Variants in DNAH12 observed in about 807,000 individuals in gnomAD.
DNAH12 encodes axonemal beta dynein heavy chain 12.
DNAH12 carries 285 observed loss-of-function variants against 371.5 expected under a neutral mutation model. That is an observed-to-expected ratio of 0.77 (90% confidence interval 0.70 to 0.85). DNAH12 has a LOEUF of 0.85. Among genes scored for constraint, DNAH12 ranks in the 40% least tolerant of loss-of-function variants. The pLI is 0.00. For synonymous variants in DNAH12, 1,200 were observed against 1,213.0 expected (o/e 0.99, Z 0.22); for missense variants, 3,611 against 3,689.4 (o/e 0.98, Z 0.55).
chr3:57,462,549 G>T, intron 18 of DNAH12, 141 bp downstream of exon 18: 2 of 969,132 alleles, frequency 2.1e-6, no homozygotes, highest in Non-Finnish European at 2.9e-6. Flanking sequence ...ACCGCACCCA[G>T]CCGGAGAGTG....
intron 70 of DNAH12, among the ~76,000 whole-genome samples, chr3:57,298,763 C>T (rs1208972983): frequency 6.6e-6 from 1 of 152,144 alleles, no homozygotes; most frequent in Non-Finnish European, 1.5e-5. Context: ...CTTTGAAATC[C>T]CAGAGCATTT....
intron 2 of DNAH12, among the ~76,000 whole-genome samples, chr3:57,525,332 G>T (rs1385184929): frequency 6.6e-6 from 1 of 152,046 alleles, no homozygotes; most frequent in African/African-American, 2.4e-5. Context: ...TCTGGTGAAT[G>T]AATGATCAGA....
Position 57,489,496 on chromosome 3 carries a change from T to G in DNAH12, c.1514+13A>C. 2 of 1,497,854 alleles carry G rather than the reference T, an allele frequency of 1.3e-6. No homozygotes were observed. Among genetic ancestry groups the G allele is most frequent in the Non-Finnish European group, 1.8e-6 (2 of 1,129,400 alleles). The allele number at this position is 1,497,854 out of a possible 1,614,324, so 92.8% of individuals were successfully genotyped here. ...GCCATATAATTCTGAGCTTGGGAATTAATTCTACTTACCATTCATTTTCTT... is the reference window on the plus strand; with the variant it reads ...GCCATATAATTCTGAGCTTGGGAATGAATTCTACTTACCATTCATTTTCTT... On this transcript the variant is annotated intron_variant, in intron 12 of 73. Coordinates refer to ENST00000495027, the MANE Select transcript of DNAH12 (RefSeq NM_001366028.2).
chr3:57,300,373 A>G (rs2061320889), intron 70 of DNAH12, among the ~76,000 whole-genome samples: 2 of 152,234 alleles, frequency 1.3e-5, no homozygotes, highest in Admixed American at 1.3e-4. Context: ...AGAGAACTAT[A>G]GCTTCTATAA....
chr3:57,495,890 T>A (rs539253971), intron 11 of DNAH12, among the ~76,000 whole-genome samples: 16 of 142,166 alleles, frequency 1.1e-4, no homozygotes, highest in African/African-American at 3.7e-4. Flanking sequence ...AAATATATTT[T>A]TATATATAAA....
At chr3:57,301,974 G>A (rs1441710778) in intron 69 of DNAH12, 35 bp from the exon 70 acceptor site, 5 of 1,538,470 alleles carry the variant, frequency 3.2e-6, no homozygotes, top group Non-Finnish European at 4.4e-6. Context: ...CAACATATAT[G>A]ATGATATCAA....
At chr3:57,526,778 C>T (rs908991849) in intron 2 of DNAH12, among the ~76,000 whole-genome samples, 3 of 151,866 alleles carry the variant, frequency 2.0e-5, no homozygotes, top group Admixed American at 2.0e-4. Flanking sequence ...CCACTTCGAC[C>T]TCCCAAAGTG....
chr3:57,455,382 G>A (rs7630719), intron 22 of DNAH12, among the ~76,000 whole-genome samples: 64,114 of 151,080 alleles, frequency 0.42, 15,180 homozygotes, highest in South Asian at 0.58. Context: ...TGGCCAATGT[G>A]GTGAAACCCC....
At chr3:57,335,690 G>A (rs961858746) in intron 60 of DNAH12, among the ~76,000 whole-genome samples, 3 of 152,208 alleles carry the variant, frequency 2.0e-5, no homozygotes, top group Non-Finnish European at 4.4e-5. Context: ...TTATGGCACC[G>A]CTGTTGCATA....
chr3:57,479,325 G>A (rs1306921107), intron 13 of DNAH12, among the ~76,000 whole-genome samples: 1 of 151,980 alleles, frequency 6.6e-6, no homozygotes, highest in African/African-American at 2.4e-5. Context: ...AGACAAAGAA[G>A]GCCATTACAT....
Position 57,310,764 on chromosome 3 carries a change from AAT to A in DNAH12, c.10847_10848del (p.Tyr3616PhefsTer5). 1.9e-6 allele frequency: 3 copies of A among 1,551,668 alleles called. No homozygotes were observed. Among genetic ancestry groups the A allele is most frequent in the Non-Finnish European group, 2.6e-6 (3 of 1,146,962 alleles). On this transcript the variant is annotated frameshift_variant, in exon 67 of 74. Coordinates refer to ENST00000495027, the MANE Select transcript of DNAH12 (RefSeq NM_001366028.2). LOFTEE classifies it high-confidence loss of function. ...TCATAAGTGCCTTTAGGAGGTGCAA[AAT>A]AGTTTCCACTGGGAGAAAACTTATA... is the stretch of plus-strand genomic sequence containing the variant. ...PHYKFSPSGN[Y>X]FAPPKGTYED... is the part of the protein sequence containing the mutation.
Position 57,415,412 on chromosome 3 carries a change from G to T in DNAH12, c.5853+14C>A. 1 of 1,545,510 alleles carries T rather than the reference G, an allele frequency of 6.5e-7. No individual in the cohort carries two copies. The highest frequency in any genetic ancestry group is 8.7e-7 in the Non-Finnish European group (1 of 1,145,722). On this transcript the variant is annotated intron_variant, in intron 38 of 73. Coordinates refer to ENST00000495027, the MANE Select transcript of DNAH12 (RefSeq NM_001366028.2). ...AAATTAACGATAGACCCCCATTTCTGTCTTTAAACTAACCTGAACCTGATT... is the reference window on the plus strand; with the variant it reads ...AAATTAACGATAGACCCCCATTTCTTTCTTTAAACTAACCTGAACCTGATT...
chr3:57,405,641 C>A lies in DNAH12; in HGVS notation c.6576+12G>T, dbSNP rs1487224101. ...TGCTTTAACTCAATATGTTCTTAAT[C>A]GCCATACTCACTGGTGCATTTTGTT... is the stretch of plus-strand genomic sequence containing the variant. On this transcript the variant is annotated intron_variant, in intron 41 of 73. Transcript: ENST00000495027. 4 of 1,546,698 alleles carry A rather than the reference C, an allele frequency of 2.6e-6. No homozygotes were observed. The highest frequency in any genetic ancestry group is 3.9e-5 in the Admixed American group (2 of 50,780).
At position 57,446,668 on chromosome 3, in the gene DNAH12, G is replaced by A. The variant is rs1172218810; in HGVS notation, c.3808C>T (p.Leu1270Phe). 5 of 1,513,820 alleles carry A rather than the reference G, an allele frequency of 3.3e-6. No individual in the cohort carries two copies. Among genetic ancestry groups the A allele is most frequent in the East Asian group, 2.5e-5 (1 of 40,556 alleles). The allele number at this position is 1,513,820 out of a possible 1,614,324, so 93.8% of individuals were successfully genotyped here. ...GCTGGCCCCTCTGGAGCACCTCCAA[G>A]GTTTAAATAGAAAGCACCTATCTGA... ...RTLIGAFYLN[L>F]GGAPEGPAGT... is the part of the protein sequence containing the mutation. Residue 1270 changes from leucine (L) to phenylalanine (F), a missense_variant, in exon 26 of 74, where the codon CTT becomes TTT. Physicochemically the swap from Leu to Phe is conservative, Grantham distance 22. Around this residue, in one of 3 missense-constraint regions of DNAH12, gnomAD observed 2,266 missense variants for 2,236.9 expected, o/e 1.01. Transcript: ENST00000495027.
rs540055423 is a variant in DNAH12, at chr3:57,303,416, T to C, written c.11190-1477A>G. ...AACTTTTTCTTTCTTTTCTTTTTCT[T>C]TTTTTTTTTTTTTGAGACAAGGTCT... On this transcript the variant is annotated intron_variant, in intron 69 of 73. Coordinates refer to ENST00000495027, the MANE Select transcript of DNAH12 (RefSeq NM_001366028.2). Among the ~76,000 whole-genome samples the C allele has an allele frequency of 4.9e-5, 7 of 143,224 alleles. No homozygotes were observed. The East Asian group carries it at 1.4e-3, about 28-fold the overall frequency. 94.0% of individuals were successfully genotyped at this position (143,224 alleles called of 152,430 possible). A position where few individuals can be genotyped will look rare whatever the true frequency, so the allele number is the denominator to read the frequency against.
rs2065016296 is a variant in DNAH12 at position 57,433,483 on chromosome 3, T to C, written c.4864A>G (p.Thr1622Ala). ...TCTGATAAGGCAAATTCTCTAAAAG[T>C]GTTAGCCACAATACCATCAGTCCAC... Reference protein sequence around the residue: ...HEWTDGIVANTFREFALSETP... With the variant: ...HEWTDGIVANAFREFALSETP... The change falls in exon 32 of 74, where the codon ACT becomes GCT. Residue 1622 changes from threonine to alanine, a missense_variant. Physicochemically the swap from Thr to Ala is moderately conservative, Grantham distance 58. Transcript: ENST00000495027. 6.4e-7 allele frequency: 1 copy of C among 1,551,408 alleles called. No homozygotes were observed. Among genetic ancestry groups the C allele is most frequent in the African/African-American group, 1.4e-5 (1 of 73,132 alleles).
intron 2 of DNAH12, among the ~76,000 whole-genome samples, chr3:57,524,642 G>T (rs554357113): frequency 1.5e-4 from 23 of 152,078 alleles, no homozygotes; most frequent in Non-Finnish European, 2.9e-4. Context: ...TTCAGAGAGG[G>T]GACAAGTTAG....
At chr3:57,337,472 CA>C (rs1279384886) in intron 60 of DNAH12, among the ~76,000 whole-genome samples, 2 of 152,164 alleles carry the variant, frequency 1.3e-5, no homozygotes, top group African/African-American at 4.8e-5. Context: ...CCAGCCTGAC[CA>C]ACATGGAGAA....
chr3:57,324,318 CATA>C (rs2061880121), intron 62 of DNAH12, among the ~76,000 whole-genome samples: 1 of 152,190 alleles, frequency 6.6e-6, no homozygotes, highest in South Asian at 2.1e-4. Flanking sequence ...CGCTAATACT[CATA>C]ATAAGAAAAA....
Sources: gnomAD v4.1 joint callset for allele counts (sites outside exome capture counted in the v4.1 genomes callset) on GRCh38, gnomAD v4.1.1 for gene constraint, gnomAD v4.1.1 regional missense constraint, MANE v1.5 for transcripts, NCBI Gene and HGNC (gene_info 2026-07-23, HGNC 2026-07-21) for gene names.